The following NR0B1 variants were observed in gnomAD, a reference collection of about 807,000 sequenced individuals.
The protein encoded by NR0B1 is nuclear receptor subfamily 0 group B member 1.
NR0B1 carries 3 observed loss-of-function variants against 23.0 expected under a neutral mutation model. The ratio of observed to expected loss-of-function variants is 0.13; its 90% CI spans 0.06 to 0.34. The LOEUF (loss-of-function observed/expected upper bound fraction) is 0.34. NR0B1 is among the 10% of genes least tolerant of loss of function. The probability of loss-of-function intolerance (pLI) is 1.00; values close to 1 mark genes in which losing one functional copy is unlikely to be tolerated. For synonymous variants in NR0B1, 205 were observed against 184.0 expected (o/e 1.11, Z -0.92); for missense variants, 350 against 402.9 (o/e 0.87, Z 1.12).
At chrX:30,306,617 T>TGTG (rs1926524458) in intron 1 of NR0B1, among the ~76,000 whole-genome samples, 1 of 74,998 alleles carries the variant, frequency 1.3e-5, no homozygotes, top group African/African-American at 4.6e-5. Flanking sequence ...GTGTGTGTGT[T>TGTG]AAAAGTATAT....
In NR0B1 at chrX:30,309,283, A is replaced by G; in HGVS notation, c.81T>C (p.Pro27=). 8.6e-7 allele frequency: 1 copy of G among 1,162,774 alleles called. No homozygotes were observed. The highest frequency in any genetic ancestry group is 1.2e-6 in the Non-Finnish European group (1 of 861,812). The change falls in exon 1 of 2, where the codon CCT becomes CCC. Residue 27 remains proline (P), a synonymous_variant. Coordinates refer to ENST00000378970, the MANE Select transcript of NR0B1 (RefSeq NM_000475.5). ...CCACCAGCCGCGTCTCTGGAGCCTC[A>G]GGAGCCGCGCGCGTTTGCTTCGCGC... ...LMSAKQTRAA[P]EAPETRLVDQ... is the part of the protein sequence containing the mutation.
chrX:30,309,038 C>G lies in NR0B1; in HGVS notation c.326G>C (p.Cys109Ser). 6 of 1,208,615 alleles carry G rather than the reference C, an allele frequency of 5.0e-6. No homozygotes were observed. Among genetic ancestry groups the G allele is most frequent in the Non-Finnish European group, 5.6e-6 (5 of 894,959 alleles). Residue 109 changes from cysteine to serine, a missense_variant, in exon 1 of 2, where the codon TGC becomes TCC. Physicochemically the swap from Cys to Ser is moderately radical, Grantham distance 112 (BLOSUM62 -1). This residue lies in a region of NR0B1 where 298 missense variants were observed against 314.0 expected (regional missense o/e 0.95). Coordinates refer to ENST00000378970, the MANE Select transcript of NR0B1 (RefSeq NM_000475.5). ...ATLGPCWGCS[C>S]GSDPGVGRAG... ...TCTGCCCACCCCGGGATCAGAGCCG[C>G]ACGAACAGCCCCAGCACGGACCCAG... is the stretch of plus-strand genomic sequence containing the variant.
chrX:30,305,569 G>T, intron 1 of NR0B1: 1 of 228,661 alleles, frequency 4.4e-6, no homozygotes, highest in Non-Finnish European at 7.8e-6. Flanking sequence ...AAAACATCAC[G>T]AATTGTACCA....
Position 30,304,672 on chromosome X carries a change from A to T in NR0B1, c.1320T>A (p.Asn440Lys). ...AGAACAGTTCAGCAATGACATTGGC[A>T]TTGATGAATCTCAGCAGGAAAAGGG... ...NSTLFLLRFI[N>K]ANVIAELFFR... is the part of the protein sequence containing the mutation. The change falls in exon 2 of 2, where the codon AAT (asparagine) becomes AAA (lysine). Residue 440 changes from asparagine (N) to lysine (K), a missense_variant. This residue lies in a region of NR0B1 where 52 missense variants were observed against 88.9 expected (regional missense o/e 0.58). Coordinates refer to ENST00000378970, the MANE Select transcript of NR0B1 (RefSeq NM_000475.5). 1 of 1,210,651 alleles carries T rather than the reference A, an allele frequency of 8.3e-7. No homozygotes were observed. The highest frequency in any genetic ancestry group is 1.1e-6 in the Non-Finnish European group (1 of 894,824).
In NR0B1 at chrX:30,308,212, G is replaced by A; in HGVS notation, c.1152C>T (p.Thr384=). 8.3e-7 allele frequency: 1 copy of A among 1,208,954 alleles called. No individual in the cohort carries two copies. The highest frequency in any genetic ancestry group is 1.8e-5 in the South Asian group (1 of 56,937). ...TACCCTTACCCGGGTTAAAGAGCAC[G>A]GTCCCCTTGAGGTAGGCGTACTCCT... ...STKEYAYLKG[T]VLFNPDVPGL... is the part of the protein sequence containing the mutation. The change falls in exon 1 of 2, where the codon ACC becomes ACT. Residue 384 remains threonine, a synonymous_variant. Transcript: ENST00000378970.
At chrX:30,305,030 T>C (rs1196316976) in intron 1 of NR0B1, among the ~76,000 whole-genome samples, 1 of 112,658 alleles carries the variant, frequency 8.9e-6, no homozygotes, top group Non-Finnish European at 1.9e-5. Context: ...ATATTTACTA[T>C]GTTTCTATGC....
Position 30,308,297 on chromosome X carries a change from G to A in NR0B1, c.1067C>T (p.Ser356Phe), listed in dbSNP as rs772122161. Residue 356 changes from serine (S) to phenylalanine (F), a missense_variant, in exon 1 of 2, where the codon TCC (serine) becomes TTC (phenylalanine). Ser to Phe is a radical substitution (Grantham distance 155, BLOSUM62 -2). Transcript: ENST00000378970. The part of the protein sequence containing the change: ...PAEARKVPSA[S>F]QVQAIKCFLS... ...AAAGCACTTGATGGCTTGGACCTGGGAGGCGGAGGGCACCTTCCTGGCCTC... is the reference window on the plus strand; with the variant it reads ...AAAGCACTTGATGGCTTGGACCTGGAAGGCGGAGGGCACCTTCCTGGCCTC... The A allele has an allele frequency of 2.5e-6, 3 of 1,209,259 alleles. No homozygotes were observed. In the African/African-American group the frequency reaches 5.2e-5, roughly 21 times the overall value.
rs753329583 is a variant in NR0B1, at chrX:30,309,291, C to T, written c.73G>A (p.Ala25Thr). 1.7e-6 allele frequency: 2 copies of T among 1,206,799 alleles called. No homozygotes were observed. Among genetic ancestry groups the T allele is most frequent in the Non-Finnish European group, 2.2e-6 (2 of 893,690 alleles). ...CGCGTCTCTGGAGCCTCAGGAGCCG[C>T]GCGCGTTTGCTTCGCGCTCATAAGC... ...NMLMSAKQTR[A>T]APEAPETRLV... The change falls in exon 1 of 2, where the codon GCG becomes ACG. Residue 25 changes from alanine (A) to threonine (T), a missense_variant. By Grantham distance (58) the Ala-to-Thr change is moderately conservative (BLOSUM62 0). This residue lies in a region of NR0B1 where 298 missense variants were observed against 314.0 expected (regional missense o/e 0.95). Transcript: ENST00000378970.
chrX:30,304,962 C>A lies in NR0B1; in HGVS notation c.1169-139G>T. 8 of 676,099 alleles carry A rather than the reference C, an allele frequency of 1.2e-5. No individual in the cohort carries two copies. The East Asian group carries it at 2.9e-4, about 24-fold the overall frequency. The allele number at this position is 676,099 out of a possible 1,213,427, so 55.7% of individuals were successfully genotyped here. ...CGGTTAAAAGGGTAAAAGGCCAAAC[C>A]AGTCTACGTTTTCAGAAGCAACGTG... On this transcript the variant is annotated intron_variant, in intron 1 of 1. Transcript: ENST00000378970.
chrX:30,309,372 G>A lies in NR0B1; in HGVS notation c.-9C>T. The stretch of plus-strand genomic sequence containing the variant: ...TGGTTCTCGCCCGCCATGGCCCGCG[G>A]CGCCCGTAGCCCAGTTCTGCCCAGT... On this transcript the variant is annotated 5_prime_UTR_variant, in exon 1 of 2. Transcript: ENST00000378970. 2 of 1,192,978 alleles carry A rather than the reference G, an allele frequency of 1.7e-6. No homozygotes were observed. The highest frequency in any genetic ancestry group is 3.0e-5 in the East Asian group (1 of 33,466).
Position 30,308,982 on chromosome X carries a change from G to C in NR0B1, c.382C>G (p.Leu128Val). 1 of 1,210,927 alleles carries C rather than the reference G, an allele frequency of 8.3e-7. No individual in the cohort carries two copies. The highest frequency in any genetic ancestry group is 1.1e-6 in the Non-Finnish European group (1 of 895,347). ...AGLPGGRPVA[L>V]LYRCCFCGED... ...CCACAAAAGCAGCAGCGGTACAGGA[G>C]TGCCACGGGCCGCCCACCCGGAAGC... Residue 128 changes from leucine (L) to valine (V), a missense_variant, in exon 1 of 2, where the codon CTC becomes GTC. Around this residue, in one of 2 missense-constraint regions of NR0B1, gnomAD observed 298 missense variants for 314.0 expected, o/e 0.95. Coordinates refer to ENST00000378970, the MANE Select transcript of NR0B1 (RefSeq NM_000475.5).
Position 30,309,133 on chromosome X carries a change from G to A in NR0B1, c.231C>T (p.Gly77=). ...TCGTCAGCATGCTGTAGAGGATGCT[G>A]CCCTGCCGTGGGTGGTCTTTACCGC... ...CFCGKDHPRQ[G]SILYSMLTSA... The change falls in exon 1 of 2, where the codon GGC becomes GGT. Residue 77 remains glycine (G), a synonymous_variant. Coordinates refer to ENST00000378970, the MANE Select transcript of NR0B1 (RefSeq NM_000475.5). 8.3e-7 allele frequency: 1 copy of A among 1,198,460 alleles called. No homozygotes were observed. The highest frequency in any genetic ancestry group is 1.8e-5 in the African/African-American group (1 of 56,664).
intron 1 of NR0B1, 131 bp from the exon 2 acceptor site, chrX:30,304,954 G>A (rs1926494257): frequency 4.1e-6 from 3 of 733,973 alleles, no homozygotes; most frequent in Admixed American, 2.9e-5. Context: ...AAGGGTAAAA[G>A]GCCAAACCAG....
rs1926582732 is a variant in NR0B1 at position 30,308,804 on chromosome X, A to G, written c.560T>C (p.Leu187Pro). 2.5e-6 allele frequency: 3 copies of G among 1,200,354 alleles called. No homozygotes were observed. The highest frequency in any genetic ancestry group is 3.4e-6 in the Non-Finnish European group (3 of 890,514). The change falls in exon 1 of 2, where the codon CTA (leucine) becomes CCA (proline). Residue 187 changes from leucine (L) to proline (P), a missense_variant. This residue lies in a region of NR0B1 where 298 missense variants were observed against 314.0 expected (regional missense o/e 0.95). Coordinates refer to ENST00000378970, the MANE Select transcript of NR0B1 (RefSeq NM_000475.5). ...AAGCGCCGTGGCCCGCCCGCCTGGT[A>G]GCGCCTCTTTACCCCCTGGCCTCTG... ...FAQRPGGKEALPGGRATALLY... is the reference protein window; with the variant it reads ...FAQRPGGKEAPPGGRATALLY...
intron 1 of NR0B1, 83 bp downstream of exon 1, chrX:30,308,113 G>A (rs1926557668): frequency 1.3e-6 from 1 of 767,762 alleles, no homozygotes; most frequent in Admixed American, 2.2e-5. Flanking sequence ...CTGAAAACTC[G>A]TTACTGCCCG....
chrX:30,308,710 C>A lies in NR0B1; in HGVS notation c.654G>T (p.Thr218=), dbSNP rs895635508. Reference sequence around the variant, plus strand: ...GAGCCGCCTGCGCTTGATTTGTGCTCGTGGGCACGCAGTAGAGGGTGCTGC... The same window carrying A: ...GAGCCGCCTGCGCTTGATTTGTGCTAGTGGGCACGCAGTAGAGGGTGCTGC... ...QQGSTLYCVP[T]STNQAQAAPE... The change falls in exon 1 of 2, where the codon ACG becomes ACT. Residue 218 remains threonine (T), a synonymous_variant. Transcript: ENST00000378970. 4.2e-6 allele frequency: 5 copies of A among 1,198,379 alleles called. No individual in the cohort carries two copies. In the African/African-American group the frequency reaches 8.7e-5, roughly 21 times the overall value.
Position 30,304,468 on chromosome X carries a change from TA to T in NR0B1, c.*110del. On this transcript the variant is annotated 3_prime_UTR_variant, in exon 2 of 2. Transcript: ENST00000378970. The stretch of plus-strand genomic sequence containing the variant: ...ATTGAATACAAAAATACTCTGCATG[TA>T]AAAATATTAAGAAAGTTTATTTTAA... 1 of 879,618 alleles carries T rather than the reference TA, an allele frequency of 1.1e-6. No homozygotes were observed. The highest frequency in any genetic ancestry group is 1.6e-6 in the Non-Finnish European group (1 of 620,229). 72.5% of individuals were successfully genotyped at this position (879,618 alleles called of 1,213,427 possible). A position where few individuals can be genotyped will look rare whatever the true frequency, so the allele number is the denominator to read the frequency against.
Position 30,304,813 on chromosome X carries a change from G to A in NR0B1, c.1179C>T (p.Gly393=), listed in dbSNP as rs1452320511. ...GTVLFNPDVP[G]LQCVKYIQGL... is the part of the protein sequence containing the mutation. Reference sequence around the variant, plus strand: ...CCTGAATGTACTTCACGCACTGCAGGCCCGGCACGTCTGGAGGGAGAAAAA... The same window carrying A: ...CCTGAATGTACTTCACGCACTGCAGACCCGGCACGTCTGGAGGGAGAAAAA... The change falls in exon 2 of 2, where the codon GGC becomes GGT. Residue 393 remains glycine, a synonymous_variant. Transcript: ENST00000378970. 2 of 1,211,033 alleles carry A rather than the reference G, an allele frequency of 1.7e-6. No homozygotes were observed. The highest frequency in any genetic ancestry group is 1.7e-5 in the African/African-American group (1 of 57,700).
chrX:30,305,604 A>T (rs1926504281), intron 1 of NR0B1: 1 of 263,288 alleles, frequency 3.8e-6, no homozygotes, highest in African/African-American at 2.8e-5. Flanking sequence ...CTTTTGTAAT[A>T]GAAAACACAT....
Sources: allele counts gnomAD v4.1 joint callset (sites outside exome capture counted in the v4.1 genomes callset), GRCh38; gene constraint gnomAD v4.1.1; regional missense constraint gnomAD v4.1.1; transcripts MANE v1.5; gene names NCBI Gene and HGNC (gene_info 2026-07-23, HGNC 2026-07-21).